Variants in ABLIM2 observed in about 807,000 individuals in gnomAD.
ABLIM2 encodes the protein actin binding LIM protein family member 2, also known as actin-binding LIM protein 2.
Under a neutral mutation model 97.7 loss-of-function variants are expected in ABLIM2, and 53 were observed. The ratio of observed to expected loss-of-function variants is 0.54; its 90% CI spans 0.44 to 0.68. The LOEUF (loss-of-function observed/expected upper bound fraction) is 0.68, where lower values mean the gene tolerates loss of function less well. ABLIM2 is among the 30% of genes least tolerant of loss of function. The pLI is 0.00. For missense variants in ABLIM2, 835 were observed against 867.2 expected, an observed-to-expected ratio of 0.96 and a Z score of 0.47; for synonymous variants, 361 against 345.8, an observed-to-expected ratio of 1.04 and a Z score of -0.49.
chr4:7,996,547 C>T lies in ABLIM2; in HGVS notation c.1619-3620G>A, dbSNP rs919993152. Among the ~76,000 whole-genome samples the T allele has an allele frequency of 6.6e-6, 1 of 152,198 alleles. No individual in the cohort carries two copies. The highest frequency in any genetic ancestry group is 1.9e-4 in the East Asian group (1 of 5,190). ...ACGTCTTCTGTTTCCCCTGAGCACCCGTATCAGATGGTGCTAGAAATTCTG... is the reference window on the plus strand; with the variant it reads ...ACGTCTTCTGTTTCCCCTGAGCACCTGTATCAGATGGTGCTAGAAATTCTG... On this transcript the variant is annotated intron_variant, in intron 16 of 20. Coordinates refer to ENST00000447017, the MANE Select transcript of ABLIM2 (RefSeq NM_001130083.2). The surrounding 1 kb of genome is among the most constrained non-coding windows in gnomAD (Gnocchi z 4.5).
At chr4:8,007,779 A>C in intron 16 of ABLIM2, 1 of 1,220,760 alleles carries the variant, frequency 8.2e-7, no homozygotes, top group Admixed American at 3.9e-5. Context: ...GCCCAGGAGC[A>C]GGTCTGGGTT....
In ABLIM2 at chr4:8,109,749, T is replaced by C. The variant is rs373631965; in HGVS notation, c.11-3112A>G. On this transcript the variant is annotated intron_variant, in intron 1 of 20. Coordinates refer to ENST00000447017, the MANE Select transcript of ABLIM2 (RefSeq NM_001130083.2). The stretch of plus-strand genomic sequence containing the variant: ...GAGGGGTTGGCCTGGGAAGCAGGCA[T>C]GGGAAAGGAGATGAATGGCATGAAA... Among the ~76,000 whole-genome samples the C allele has an allele frequency of 6.6e-5, 10 of 152,054 alleles. No individual in the cohort carries two copies. The East Asian group carries it at 1.6e-3, about 24-fold the overall frequency.
rs201721300 is a variant in ABLIM2 at position 7,992,946 on chromosome 4, A to T, written c.1619-19T>A. On this transcript the variant is annotated intron_variant, in intron 16 of 20. Transcript: ENST00000447017. This position sits in a 1 kb window ranked among gnomAD's most constrained non-coding sequence, Gnocchi z 5.7. Reference sequence around the variant, plus strand: ...GGGAATCCTGAAACAGACACAGCACAGCTTTGTCACGCGCGCAGACTCGGT... The same window carrying T: ...GGGAATCCTGAAACAGACACAGCACTGCTTTGTCACGCGCGCAGACTCGGT... The T allele has an allele frequency of 1.2e-6, 2 of 1,611,138 alleles. No individual in the cohort carries two copies. The highest frequency in any genetic ancestry group is 1.7e-6 in the Non-Finnish European group (2 of 1,178,684).
chr4:8,088,882 T>C (rs986886065), intron 3 of ABLIM2, among the ~76,000 whole-genome samples: 1 of 152,152 alleles, frequency 6.6e-6, no homozygotes, highest in African/African-American at 2.4e-5. Flanking sequence ...AGAACCAGAA[T>C]CAAACCAAGA....
intron 1 of ABLIM2, among the ~76,000 whole-genome samples, chr4:8,136,141 C>T (rs1293473312): frequency 6.6e-6 from 1 of 152,206 alleles, no homozygotes; most frequent in Non-Finnish European, 1.5e-5. Flanking sequence ...AATAAAATCC[C>T]GACAGAGGCT....
intron 16 of ABLIM2, chr4:8,007,451 CTGAG>C: frequency 2.0e-6 from 2 of 985,532 alleles, no homozygotes; most frequent in Non-Finnish European, 2.4e-6. Flanking sequence ...CTGGGAGGCA[CTGAG>C]TGAGCACTTG....
intron 8 of ABLIM2, among the ~76,000 whole-genome samples, chr4:8,049,336 T>C (rs1433892385): frequency 6.6e-6 from 1 of 152,190 alleles, no homozygotes; most frequent in Non-Finnish European, 1.5e-5. Context: ...ACCACATCCT[T>C]CTCACCTCCG....
intron 12 of ABLIM2, among the ~76,000 whole-genome samples, chr4:8,026,605 G>A (rs377089187): frequency 9.8e-5 from 15 of 152,340 alleles, no homozygotes; most frequent in East Asian, 9.6e-4. Context: ...TTATTGCATT[G>A]CTTGGGGAAT....
chr4:8,041,053 G>A (rs946065015), intron 9 of ABLIM2, among the ~76,000 whole-genome samples: 5 of 152,174 alleles, frequency 3.3e-5, no homozygotes, highest in African/African-American at 1.2e-4. Context: ...TAATTTGTTC[G>A]AGGCCTTCTG....
At chr4:8,157,206 C>T (rs1283180820) in intron 1 of ABLIM2, among the ~76,000 whole-genome samples, 7 of 152,194 alleles carry the variant, frequency 4.6e-5, no homozygotes, top group Middle Eastern at 3.4e-3. Context: ...CACCCCTTCT[C>T]GTCAGATGCA....
rs56044657 is a variant in ABLIM2 at position 8,044,694 on chromosome 4, A to T, written c.900+470T>A. 0.74 allele frequency among the ~76,000 whole-genome samples: 110,856 copies of T among 149,504 alleles called. 41,341 individuals are homozygous for T. The highest frequency in any genetic ancestry group is 0.83 in the African/African-American group (33,655 of 40,496). The stretch of plus-strand genomic sequence containing the variant: ...GTCTCTCTCTCTCTCTCTCTCTCGA[A>T]CGAACGAAAACGGGATCACATAATT... On this transcript the variant is annotated intron_variant, in intron 9 of 20. Transcript: ENST00000447017. The surrounding 1 kb of genome is among the most constrained non-coding windows in gnomAD (Gnocchi z 4.4).
At position 8,032,268 on chromosome 4, in the gene ABLIM2, C is replaced by T. The variant is rs1416277391; in HGVS notation, c.1048-2492G>A. ...TTGTAGAGAGACACGTCCAGTGTTTCTCCACGAGGACTGGGTGCTTCCACA... is the reference window on the plus strand; with the variant it reads ...TTGTAGAGAGACACGTCCAGTGTTTTTCCACGAGGACTGGGTGCTTCCACA... On this transcript the variant is annotated intron_variant, in intron 10 of 20. Coordinates refer to ENST00000447017, the MANE Select transcript of ABLIM2 (RefSeq NM_001130083.2). The surrounding 1 kb of genome is among the most constrained non-coding windows in gnomAD (Gnocchi z 4.3). Among the ~76,000 whole-genome samples, 1 of 152,124 alleles carries T rather than the reference C, an allele frequency of 6.6e-6. No individual in the cohort carries two copies. Among genetic ancestry groups the T allele is most frequent in the Non-Finnish European group, 1.5e-5 (1 of 68,034 alleles).
At chr4:8,056,843 A>C (rs1363560066) in intron 7 of ABLIM2, among the ~76,000 whole-genome samples, 1 of 148,830 alleles carries the variant, frequency 6.7e-6, no homozygotes, top group African/African-American at 2.5e-5. Flanking sequence ...GAGGCAGGAG[A>C]ATGGCGTGAA....
chr4:8,098,610 G>A (rs972191745), intron 2 of ABLIM2, among the ~76,000 whole-genome samples: 6 of 152,296 alleles, frequency 3.9e-5, no homozygotes, highest in African/African-American at 9.6e-5. Context: ...ATGGTGAGAC[G>A]TCAACCGAGC....
rs560917211 is a variant in ABLIM2, at chr4:8,076,094, C to T, written c.675+1534G>A. On this transcript the variant is annotated intron_variant, in intron 6 of 20. Coordinates refer to ENST00000447017, the MANE Select transcript of ABLIM2 (RefSeq NM_001130083.2). ...CCACAGAGGAGTGCAGAGCTCTCTG[C>T]AGGGCCAGGACCCTTCCCGTGGGGG... Among the ~76,000 whole-genome samples the T allele has an allele frequency of 8.5e-5, 13 of 152,354 alleles. No homozygotes were observed. The East Asian group carries it at 2.5e-3, about 29-fold the overall frequency.
intron 1 of ABLIM2, among the ~76,000 whole-genome samples, chr4:8,131,944 T>C (rs188556785): frequency 0.012 from 1,357 of 115,552 alleles, 19 homozygotes; most frequent in African/African-American, 0.05. Context: ...AACATCAGCC[T>C]GCATCCCTGA....
In ABLIM2 at chr4:8,061,653, C is replaced by CAA. The variant is rs200304779; in HGVS notation, c.676-601_676-600dup. 2.6e-4 allele frequency among the ~76,000 whole-genome samples: 36 copies of CAA among 137,966 alleles called. No individual in the cohort carries two copies. The highest frequency in any genetic ancestry group is 8.1e-4 in the African/African-American group (31 of 38,224). The allele number at this position is 137,966 out of a possible 152,430, so 90.5% of individuals were successfully genotyped here. On this transcript the variant is annotated intron_variant, in intron 6 of 20. Coordinates refer to ENST00000447017, the MANE Select transcript of ABLIM2 (RefSeq NM_001130083.2). This position sits in a 1 kb window ranked among gnomAD's most constrained non-coding sequence, Gnocchi z 4.5. ...TGGTTTGGCTTATTTTTGCCTGGAG[C>CAA]AAAAAAAAAAAAAATCACCCCGAAA... is the stretch of plus-strand genomic sequence containing the variant.
chr4:7,976,195 T>A (rs1732893216), intron 20 of ABLIM2, among the ~76,000 whole-genome samples: 1 of 152,200 alleles, frequency 6.6e-6, no homozygotes, highest in Non-Finnish European at 1.5e-5. Flanking sequence ...ACAGAGCATC[T>A]GGCTGGGTGT....
intron 9 of ABLIM2, among the ~76,000 whole-genome samples, chr4:8,040,422 C>A (rs1338186252): frequency 2.0e-5 from 3 of 152,042 alleles, no homozygotes; most frequent in Non-Finnish European, 4.4e-5. Flanking sequence ...ACCAGCCTGG[C>A]CAACATGGTG....
Sources: allele counts gnomAD v4.1 joint callset (sites outside exome capture counted in the v4.1 genomes callset), GRCh38; gene constraint gnomAD v4.1.1; non-coding constraint Gnocchi (gnomAD v3.1); transcripts MANE v1.5; gene names NCBI Gene and HGNC (gene_info 2026-07-23, HGNC 2026-07-21).